Variants in LRMDA observed in about 807,000 individuals in gnomAD.
The protein encoded by LRMDA is leucine-rich melanocyte differentiation-associated protein.
LRMDA carries 18 observed loss-of-function variants against 29.8 expected under a neutral mutation model. That is an observed-to-expected ratio of 0.60 (90% CI 0.42 to 0.90). The LOEUF (loss-of-function observed/expected upper bound fraction) is 0.90. LRMDA is among the 40% of genes least tolerant of loss of function. The pLI is 0.00. For synonymous variants in LRMDA, 125 were observed against 109.4 expected, an observed-to-expected ratio of 1.14 and a Z score of -0.89; for missense variants, 273 against 273.9, an observed-to-expected ratio of 1.00 and a Z score of 0.02.
intron 2 of LRMDA, among the ~76,000 whole-genome samples, chr10:75,953,624 G>T (rs904262999): frequency 6.6e-6 from 1 of 152,150 alleles, no homozygotes; most frequent in African/African-American, 2.4e-5. Context: ...AATGAGTCAA[G>T]TCATTCTTGA....
intron 6 of LRMDA, among the ~76,000 whole-genome samples, chr10:76,362,704 C>G (rs568693931): frequency 6.6e-6 from 1 of 152,288 alleles, no homozygotes; most frequent in South Asian, 2.1e-4. Context: ...TCCTTCCACC[C>G]TCCCGCCTTT....
At chr10:76,024,168 C>T (rs1848023154) in intron 2 of LRMDA, among the ~76,000 whole-genome samples, 1 of 152,224 alleles carries the variant, frequency 6.6e-6, no homozygotes, top group African/African-American at 2.4e-5. Context: ...ATCAGAACAA[C>T]ACATTCCCTA....
chr10:76,542,839 A>G (rs1337883973), intron 6 of LRMDA, among the ~76,000 whole-genome samples: 1 of 152,228 alleles, frequency 6.6e-6, no homozygotes, highest in African/African-American at 2.4e-5. Context: ...GAATGCAATC[A>G]TTAAACCCAC....
chr10:76,037,043 G>A (rs559356555), intron 3 of LRMDA, among the ~76,000 whole-genome samples: 3 of 152,326 alleles, frequency 2.0e-5, no homozygotes, highest in Admixed American at 2.0e-4. Flanking sequence ...TAGGAATGAG[G>A]CATGGTGCTG....
intron 5 of LRMDA, among the ~76,000 whole-genome samples, chr10:76,190,386 A>C (rs1386242537): frequency 6.6e-6 from 1 of 152,146 alleles, no homozygotes; most frequent in Non-Finnish European, 1.5e-5. Flanking sequence ...AATGAGAATA[A>C]TTTAAATGGG....
intron 2 of LRMDA, among the ~76,000 whole-genome samples, chr10:75,716,173 C>T (rs1340690701): frequency 6.6e-6 from 1 of 152,198 alleles, no homozygotes; most frequent in Non-Finnish European, 1.5e-5. Context: ...TACTGCTACA[C>T]AGTTAATCTA....
At chr10:75,703,748 A>G (rs568041787) in intron 2 of LRMDA, among the ~76,000 whole-genome samples, 2 of 152,342 alleles carry the variant, frequency 1.3e-5, no homozygotes, top group South Asian at 2.1e-4. Flanking sequence ...TTTAATCAGC[A>G]TTTTATTTCC....
chr10:76,052,884 T>C (rs1848553217), intron 4 of LRMDA, among the ~76,000 whole-genome samples: 1 of 150,564 alleles, frequency 6.6e-6, no homozygotes, highest in East Asian at 2.0e-4. Flanking sequence ...CTTGAGAAGG[T>C]CAGGAAAATT....
chr10:76,171,673 A>T (rs1287234945), intron 5 of LRMDA, among the ~76,000 whole-genome samples: 1 of 152,168 alleles, frequency 6.6e-6, no homozygotes, highest in Non-Finnish European at 1.5e-5. Flanking sequence ...TGATTCTTTA[A>T]GTTGGTGCTT....
At chr10:75,927,958 G>A (rs1846146784) in intron 2 of LRMDA, among the ~76,000 whole-genome samples, 1 of 152,178 alleles carries the variant, frequency 6.6e-6, no homozygotes, top group Non-Finnish European at 1.5e-5. Flanking sequence ...TCACAGGGTT[G>A]TTGTGAAAAT....
intron 2 of LRMDA, among the ~76,000 whole-genome samples, chr10:75,679,437 TC>T (rs1841998827): frequency 6.6e-6 from 1 of 152,126 alleles, no homozygotes; most frequent in African/African-American, 2.4e-5. Context: ...TAGTGGCAGA[TC>T]CGGAATTCTC....
intron 2 of LRMDA, among the ~76,000 whole-genome samples, chr10:75,950,168 C>T (rs1846549729): frequency 6.6e-6 from 1 of 152,204 alleles, no homozygotes. Context: ...CCTCATTGCT[C>T]ACATCTGTCC....
chr10:75,717,674 C>T (rs1382176986), intron 2 of LRMDA, among the ~76,000 whole-genome samples: 1 of 152,164 alleles, frequency 6.6e-6, no homozygotes, highest in Non-Finnish European at 1.5e-5. Context: ...TCATTAATGT[C>T]CCTGCACAAG....
chr10:76,484,102 C>T (rs555097476), intron 6 of LRMDA, among the ~76,000 whole-genome samples: 34 of 151,632 alleles, frequency 2.2e-4, no homozygotes, highest in South Asian at 6.2e-4. Flanking sequence ...ATCCCCATTC[C>T]CTTTCCCTTC....
intron 5 of LRMDA, among the ~76,000 whole-genome samples, chr10:76,108,136 A>G: frequency 6.6e-6 from 1 of 152,212 alleles, no homozygotes; most frequent in East Asian, 1.9e-4. Context: ...TTGGGGAAAT[A>G]CTAGCCTTTA....
intron 2 of LRMDA, among the ~76,000 whole-genome samples, chr10:75,980,908 C>G (rs1847157303): frequency 6.6e-6 from 1 of 152,144 alleles, no homozygotes; most frequent in African/African-American, 2.4e-5. Flanking sequence ...TAATATTAAC[C>G]CTTTGGTAAC....
chr10:75,487,911 T>C (rs1474476804), intron 2 of LRMDA, among the ~76,000 whole-genome samples: 1 of 152,218 alleles, frequency 6.6e-6, no homozygotes, highest in Non-Finnish European at 1.5e-5. Context: ...GGGTTTGAGC[T>C]ACTTCTGCTA....
intron 5 of LRMDA, among the ~76,000 whole-genome samples, chr10:76,063,995 T>C (rs1379467570): frequency 6.6e-6 from 1 of 152,184 alleles, no homozygotes. Context: ...ACCTAGTCTA[T>C]AGCAGAGGCT....
chr10:76,353,592 C>T (rs1038337131), intron 6 of LRMDA, among the ~76,000 whole-genome samples: 6 of 152,012 alleles, frequency 3.9e-5, no homozygotes, highest in African/African-American at 1.4e-4. Flanking sequence ...ATAGCTATGC[C>T]GTGGAGAGTT....
Sources: gnomAD v4.1 joint callset for allele counts (sites outside exome capture counted in the v4.1 genomes callset) on GRCh38, gnomAD v4.1.1 for gene constraint, MANE v1.5 for transcripts, NCBI Gene and HGNC (gene_info 2026-07-23, HGNC 2026-07-21) for gene names.